ABCA12: variants seen among roughly 807,000 people sequenced by gnomAD.
ABCA12 encodes ATP binding cassette subfamily A member 12, also known as glucosylceramide transporter ABCA12.
A neutral mutation model predicts 293.5 loss-of-function variants in ABCA12; 156 were observed. That is an observed-to-expected ratio of 0.53 (90% CI 0.47 to 0.61). The LOEUF (loss-of-function observed/expected upper bound fraction) is 0.61, where lower values mean the gene tolerates loss of function less well. Ranked by LOEUF, ABCA12 falls within the 20% of genes least tolerant of loss-of-function variation. ABCA12 has a pLI of 0.00. For missense variants in ABCA12, 2,797 were observed against 3,090.2 expected (o/e 0.91, Z 2.25); for synonymous variants, 1,063 against 1,108.0 (o/e 0.96, Z 0.81).
At chr2:215,008,177 A>T (rs775971206) in intron 18 of ABCA12, among the ~76,000 whole-genome samples, 4 of 152,190 alleles carry the variant, frequency 2.6e-5, no homozygotes, top group Non-Finnish European at 5.9e-5. Context: ...TTAAAGAAAC[A>T]TCCTAGTTCG....
chr2:215,008,925 A>C (rs1341792020), intron 18 of ABCA12, among the ~76,000 whole-genome samples: 2 of 152,212 alleles, frequency 1.3e-5, no homozygotes, highest in East Asian at 3.8e-4. Context: ...GCAATTCCTC[A>C]AAGACCTAAA....
At chr2:214,963,697 T>G (rs901006719) in intron 39 of ABCA12, among the ~76,000 whole-genome samples, 3 of 149,780 alleles carry the variant, frequency 2.0e-5, no homozygotes, top group Admixed American at 6.7e-5. Context: ...GTGGATCACC[T>G]GAAGTCAGGA....
chr2:215,015,777 G>T, intron 14 of ABCA12, 114 bp from the exon 15 acceptor site: 2 of 893,522 alleles, frequency 2.2e-6, no homozygotes, highest in South Asian at 2.9e-5. Context: ...AGGTCCTCAA[G>T]AATCAAACAA....
intron 43 of ABCA12, 93 bp from the exon 44 acceptor site, chr2:214,954,200 A>G: frequency 7.3e-7 from 1 of 1,377,764 alleles, no homozygotes; most frequent in South Asian, 1.2e-5. Flanking sequence ...AAATAGTGAA[A>G]CCTAAAAAGC....
intron 13 of ABCA12, among the ~76,000 whole-genome samples, 179 bp downstream of exon 13, chr2:215,019,157 G>C (rs928991947): frequency 4.6e-5 from 7 of 152,180 alleles, no homozygotes; most frequent in Admixed American, 4.6e-4. Context: ...TTCTCTGCTA[G>C]CTTTCTGTGT....
intron 1 of ABCA12, among the ~76,000 whole-genome samples, chr2:215,128,080 C>A (rs567947052): frequency 1.3e-5 from 2 of 152,236 alleles, no homozygotes; most frequent in African/African-American, 4.8e-5. Flanking sequence ...ATACAAAATT[C>A]TTGGCTGATA....
At chr2:215,110,190 ATGACT>A (rs1702542683) in intron 2 of ABCA12, among the ~76,000 whole-genome samples, 1 of 152,174 alleles carries the variant, frequency 6.6e-6, no homozygotes, top group Admixed American at 6.5e-5. Context: ...AATAACTCAA[ATGACT>A]TGAGAAAACA....
intron 52 of ABCA12, among the ~76,000 whole-genome samples, chr2:214,933,004 T>C (rs562267992): frequency 1.4e-4 from 21 of 152,264 alleles, no homozygotes; most frequent in Admixed American, 2.6e-4. Context: ...TATAATCATG[T>C]CAATCTTAAG....
chr2:215,026,604 G>A (rs568713999), intron 10 of ABCA12, among the ~76,000 whole-genome samples: 1 of 152,278 alleles, frequency 6.6e-6, no homozygotes, highest in East Asian at 1.9e-4. Context: ...AGTTTGTCCA[G>A]GTGGCCAGCT....
At chr2:215,096,024 G>C (rs1702243395) in intron 2 of ABCA12, among the ~76,000 whole-genome samples, 1 of 152,122 alleles carries the variant, frequency 6.6e-6, no homozygotes, top group African/African-American at 2.4e-5. Flanking sequence ...ACACGGACGT[G>C]CATAACAATA....
intron 14 of ABCA12, among the ~76,000 whole-genome samples, chr2:215,015,908 G>A (rs1268761836): frequency 6.6e-6 from 1 of 152,122 alleles, no homozygotes; most frequent in African/African-American, 2.4e-5. Context: ...ACTTTGGGAG[G>A]CTGAGGCGGG....
rs1699692107 is a variant in ABCA12 at position 214,982,529 on chromosome 2, T to C, written c.4383-146A>G. On this transcript the variant is annotated intron_variant, in intron 29 of 52. Transcript: ENST00000272895. ...AATAAACTCTTGAGGATTCATAATA[T>C]AGTTTTCTATTATTTATCACCTGGA... is the stretch of plus-strand genomic sequence containing the variant. 5 of 646,206 alleles carry C rather than the reference T, an allele frequency of 7.7e-6. No homozygotes were observed. In the East Asian group the frequency reaches 8.4e-5, roughly 11 times the overall value. 40.0% of individuals were successfully genotyped at this position (646,206 alleles called of 1,614,324 possible).
chr2:215,007,077 G>A (rs974692204), intron 19 of ABCA12, among the ~76,000 whole-genome samples: 7 of 151,940 alleles, frequency 4.6e-5, no homozygotes, highest in East Asian at 1.9e-4. Context: ...GTTTCTCCGC[G>A]TTGGTCAGGC....
At chr2:215,009,635 T>C (rs947577918) in intron 18 of ABCA12, among the ~76,000 whole-genome samples, 1 of 152,192 alleles carries the variant, frequency 6.6e-6, no homozygotes, top group Non-Finnish European at 1.5e-5. Flanking sequence ...TTGATAATAA[T>C]GATCGCTGTC....
intron 8 of ABCA12, among the ~76,000 whole-genome samples, chr2:215,034,943 A>G (rs567268779): frequency 6.6e-6 from 1 of 152,198 alleles, no homozygotes; most frequent in Non-Finnish European, 1.5e-5. Flanking sequence ...CCACTCCAGC[A>G]TAACAGAGTA....
chr2:215,086,230 C>T (rs576847716), intron 2 of ABCA12, among the ~76,000 whole-genome samples: 1 of 152,162 alleles, frequency 6.6e-6, no homozygotes, highest in Non-Finnish European at 1.5e-5. Context: ...TCAATTTTAA[C>T]CTATAACTTA....
rs767873608 is a variant in ABCA12, at chr2:214,958,390, C to T, written c.6004G>A (p.Ala2002Thr). ...CTTACAACATAGGTGACAAAGCTGG[C>T]GGTGGTGACAGAGTAGCCCATCAAG... ...SILMGYSVTTASFVTYVVREH... is the reference protein window; with the variant it reads ...SILMGYSVTTTSFVTYVVREH... Residue 2002 changes from alanine to threonine, a missense_variant, in exon 41 of 53, where the codon GCC (alanine) becomes ACC (threonine). Around this residue, in one of 3 missense-constraint regions of ABCA12, gnomAD observed 2,130 missense variants for 2,427.0 expected, o/e 0.88. Coordinates refer to ENST00000272895, the MANE Select transcript of ABCA12 (RefSeq NM_173076.3). The T allele has an allele frequency of 3.2e-5, 51 of 1,613,788 alleles. No individual in the cohort carries two copies. The highest frequency in any genetic ancestry group is 7.7e-5 in the South Asian group (7 of 91,080).
intron 14 of ABCA12, 91 bp from the exon 15 acceptor site, chr2:215,015,754 A>G (rs1700480452): frequency 8.3e-7 from 1 of 1,208,104 alleles, no homozygotes; most frequent in Non-Finnish European, 1.2e-6. Flanking sequence ...TCTAAATTTT[A>G]AACTAAAACA....
rs1360966192 is a variant in ABCA12, at chr2:215,045,823, T to C, written c.872+14A>G. On this transcript the variant is annotated intron_variant, in intron 7 of 52. Coordinates refer to ENST00000272895, the MANE Select transcript of ABCA12 (RefSeq NM_173076.3). ...TGAACACTAATATTACATTTAATTC[T>C]TACATTTTCTTACCTGTTTGCCTTT... is the stretch of plus-strand genomic sequence containing the variant. 6 of 1,609,924 alleles carry C rather than the reference T, an allele frequency of 3.7e-6. No homozygotes were observed. The highest frequency in any genetic ancestry group is 4.2e-6 in the Non-Finnish European group (5 of 1,176,968).
Sources: allele counts gnomAD v4.1 joint callset (sites outside exome capture counted in the v4.1 genomes callset), GRCh38; gene constraint gnomAD v4.1.1; regional missense constraint gnomAD v4.1.1; transcripts MANE v1.5; gene names NCBI Gene and HGNC (gene_info 2026-07-23, HGNC 2026-07-21).